SASH1: variants seen among roughly 807,000 people sequenced by gnomAD.
SASH1 encodes SAM and SH3 domain-containing protein 1.
SASH1 carries 44 observed loss-of-function variants against 125.2 expected under a neutral mutation model. That is an observed-to-expected ratio of 0.35 (90% CI 0.28 to 0.45). SASH1 has a LOEUF of 0.45. SASH1 is among the 20% of genes least tolerant of loss of function. SASH1 has a pLI of 1.00. For synonymous variants in SASH1, 639 were observed against 649.1 expected (o/e 0.98, Z 0.24); for missense variants, 1,426 against 1,614.5 (o/e 0.88, Z 2.00).
At chr6:148,422,387 CGTCA>C (rs752236953) in intron 2 of SASH1, among the ~76,000 whole-genome samples, 118 of 152,188 alleles carry the variant, frequency 7.8e-4, no homozygotes, top group Non-Finnish European at 1.6e-3. Context: ...TACGTGTATA[CGTCA>C]GTGTGCCACT....
At chr6:148,235,316 T>C in the SASH1 span, among the ~76,000 whole-genome samples, 1 of 152,346 alleles carries the variant, frequency 6.6e-6, no homozygotes, top group South Asian at 2.1e-4. Flanking sequence ...TCCTCAAATG[T>C]ATTTAACTCA....
At position 148,343,284 on chromosome 6, in the gene SASH1, CGG is replaced by C. The variant is rs1324354236; in HGVS notation, c.156+65_156+66del. 4.0e-6 allele frequency: 6 copies of C among 1,491,286 alleles called. No individual in the cohort carries two copies. The African/African-American group carries it at 7.1e-5, about 18-fold the overall frequency. 92.4% of individuals were successfully genotyped at this position (1,491,286 alleles called of 1,614,324 possible). The stretch of plus-strand genomic sequence containing the variant: ...CAGTTCGCAGCAGCCCCTCTGAAAC[CGG>C]GGGCTCCCTTCTCGCCCACCCACTG... On this transcript the variant is annotated intron_variant, in intron 1 of 19. Transcript: ENST00000367467.
rs17078315 is a variant in SASH1, at chr6:148,392,937, C to T, written c.285+2675C>T. Among the ~76,000 whole-genome samples the T allele has an allele frequency of 6.5e-3, 996 of 152,244 alleles. 15 individuals carry two copies. The East Asian group carries it at 0.071, about 11-fold the overall frequency. Reference sequence around the variant, plus strand: ...ACACTCTTAAAATTCATTAGGCTCTCCTGTTGAAGCATAGTTAATGAAAAA... The same window carrying T: ...ACACTCTTAAAATTCATTAGGCTCTTCTGTTGAAGCATAGTTAATGAAAAA... On this transcript the variant is annotated intron_variant, in intron 2 of 19. Coordinates refer to ENST00000367467, the MANE Select transcript of SASH1 (RefSeq NM_015278.5).
Position 148,451,069 on chromosome 6 carries a change from A to T in SASH1, c.386+10662A>T, listed in dbSNP as rs138550528. The stretch of plus-strand genomic sequence containing the variant: ...TGCCTGTGGCTTGAGCCACTTGTAT[A>T]CTTCCCTAATCCCAGAAGAACCAAC... On this transcript the variant is annotated intron_variant, in intron 4 of 19. Transcript: ENST00000367467. Among the ~76,000 whole-genome samples, 782 of 152,282 alleles carry T rather than the reference A, an allele frequency of 5.1e-3. 6 individuals are homozygous for T. Among genetic ancestry groups the T allele is most frequent in the African/African-American group, 0.018 (737 of 41,556 alleles).
At chr6:148,485,878 A>G (rs1376305445) in intron 7 of SASH1, among the ~76,000 whole-genome samples, 2 of 152,196 alleles carry the variant, frequency 1.3e-5, no homozygotes, top group Non-Finnish European at 2.9e-5. Context: ...GTTGCTTGGC[A>G]CATGGAACAT....
At chr6:148,339,637 C>G (rs992152631), upstream of SASH1, among the ~76,000 whole-genome samples, 13 of 151,930 alleles carry the variant, frequency 8.6e-5, no homozygotes, top group East Asian at 2.5e-3. Flanking sequence ...CTCCACTTCC[C>G]AGGTTTAAGC....
chr6:148,236,710 G>T, the SASH1 span, among the ~76,000 whole-genome samples: 1 of 152,108 alleles, frequency 6.6e-6, no homozygotes, highest in African/African-American at 2.4e-5. Flanking sequence ...GAGCAAGGGG[G>T]CCCACAGACA....
chr6:148,512,611 C>T, intron 8 of SASH1: 1 of 983,964 alleles, frequency 1.0e-6, no homozygotes, highest in Non-Finnish European at 1.2e-6. Flanking sequence ...GTATTATGAA[C>T]TACACTTATT....
chr6:148,277,233 AG>A (rs752401728), intron 1 of SASH1, among the ~76,000 whole-genome samples: 3 of 152,242 alleles, frequency 2.0e-5, no homozygotes, highest in Non-Finnish European at 4.4e-5. Flanking sequence ...TGGCGTGGTC[AG>A]GTGGCCAATG....
At chr6:148,468,398 G>A in intron 4 of SASH1, 147 bp from the exon 5 acceptor site, 1 of 613,802 alleles carries the variant, frequency 1.6e-6, no homozygotes, top group South Asian at 2.4e-5. Flanking sequence ...CAGCAGATGG[G>A]TAGAAAAAGC....
the SASH1 span, among the ~76,000 whole-genome samples, chr6:148,219,075 A>G: frequency 6.6e-6 from 1 of 152,190 alleles, no homozygotes; most frequent in Non-Finnish European, 1.5e-5. Flanking sequence ...CCTTGGTTAT[A>G]GGAACAGTGT....
chr6:148,532,976 TC>T lies in SASH1; in HGVS notation c.1734+13del. ...CTCACTCAAGCTCAAGGTATCTCTC[TC>T]CCTGGCCTCAGAGCAGCTAACTGGG... On this transcript the variant is annotated intron_variant, in intron 14 of 19. Transcript: ENST00000367467. The surrounding 1 kb of genome is among the most constrained non-coding windows in gnomAD (Gnocchi z 4.7). 1 of 1,613,092 alleles carries T rather than the reference TC, an allele frequency of 6.2e-7. No homozygotes were observed. Among genetic ancestry groups the T allele is most frequent in the Non-Finnish European group, 8.5e-7 (1 of 1,179,236 alleles).
chr6:148,440,210 A>G lies in SASH1; in HGVS notation c.312A>G (p.Ser104=), dbSNP rs191030792. Residue 104 remains serine, a synonymous_variant, in exon 3 of 20, where the codon TCA becomes TCG. Transcript: ENST00000367467. ...EVEKPDASPT[S]LQLRSQIEES... is the part of the protein sequence containing the mutation. Reference sequence around the variant, plus strand: ...AGAAACCCGATGCTAGCCCCACGTCACTTCAGCTGCGGTCCCAGATCGAAG... The same window carrying G: ...AGAAACCCGATGCTAGCCCCACGTCGCTTCAGCTGCGGTCCCAGATCGAAG... 3.7e-4 allele frequency: 602 copies of G among 1,613,564 alleles called. 8 individuals are homozygous for G. The East Asian group carries it at 0.013, about 34-fold the overall frequency.
chr6:148,262,812 G>A, the SASH1 span, among the ~76,000 whole-genome samples: 19 of 152,216 alleles, frequency 1.2e-4, no homozygotes, highest in South Asian at 2.1e-4. Context: ...GAACCCGGGA[G>A]GGGGAGGTTG....
intron 17 of SASH1, among the ~76,000 whole-genome samples, chr6:148,541,282 T>C (rs1225291567): frequency 2.0e-5 from 3 of 151,132 alleles, no homozygotes; most frequent in Non-Finnish European, 2.9e-5. Flanking sequence ...TGGAATCCTA[T>C]CTAGTAGCCC....
chr6:148,456,617 T>C (rs1777365221), intron 4 of SASH1, among the ~76,000 whole-genome samples: 1 of 152,118 alleles, frequency 6.6e-6, no homozygotes, highest in African/African-American at 2.4e-5. Context: ...TCCAAGGACT[T>C]TGGGAGGCAG....
At chr6:148,258,243 G>A in the SASH1 span, among the ~76,000 whole-genome samples, 34 of 152,212 alleles carry the variant, frequency 2.2e-4, no homozygotes, top group East Asian at 7.7e-4. Flanking sequence ...TGCTCATACC[G>A]TCTTGCTTGT....
At chr6:148,247,358 T>A in the SASH1 span, among the ~76,000 whole-genome samples, 1 of 152,142 alleles carries the variant, frequency 6.6e-6, no homozygotes, top group Non-Finnish European at 1.5e-5. Flanking sequence ...TAAGGTTCGA[T>A]GAAAGATCCT....
intron 9 of SASH1, among the ~76,000 whole-genome samples, chr6:148,518,985 G>A (rs926162749): frequency 6.6e-6 from 1 of 152,204 alleles, no homozygotes; most frequent in African/African-American, 2.4e-5. Flanking sequence ...GTCAGCTGGA[G>A]ACGATGTGTC....
Sources: allele counts gnomAD v4.1 joint callset (sites outside exome capture counted in the v4.1 genomes callset), GRCh38; gene constraint gnomAD v4.1.1; non-coding constraint Gnocchi (gnomAD v3.1); transcripts MANE v1.5; gene names NCBI Gene and HGNC (gene_info 2026-07-23, HGNC 2026-07-21).